The following LLPH variants were observed in gnomAD, a reference collection of about 807,000 sequenced individuals.
LLPH encodes the protein protein LLP homolog.
LLPH carries 5 observed loss-of-function variants against 13.3 expected under a neutral mutation model. That is an observed-to-expected ratio of 0.38 (90% CI 0.20 to 0.79). The LOEUF (loss-of-function observed/expected upper bound fraction) is 0.79. Ranked by LOEUF, LLPH falls within the 30% of genes least tolerant of loss-of-function variation. LLPH has a pLI of 0.45. For missense variants in LLPH, 129 were observed against 152.1 expected (o/e 0.85, Z 0.80); for synonymous variants, 32 against 44.2 (o/e 0.72, Z 1.09).
rs561815772 is a variant in LLPH at position 66,122,669 on chromosome 12, C to T, written c.*1171G>A. On this transcript the variant is annotated 3_prime_UTR_variant, in exon 3 of 3. Coordinates refer to ENST00000266604, the MANE Select transcript of LLPH (RefSeq NM_032338.4). ...CAGAAAACTAGTTTCAAAGAGTAGACGCTAAACAGGTTTCTTTGCTGCTGG... is the reference window on the plus strand; with the variant it reads ...CAGAAAACTAGTTTCAAAGAGTAGATGCTAAACAGGTTTCTTTGCTGCTGG... 6 of 152,290 alleles carry T rather than the reference C, an allele frequency of 3.9e-5. No homozygotes were observed. Among genetic ancestry groups the T allele is most frequent in the South Asian group, 2.1e-4 (1 of 4,820 alleles). The allele number at this position is 152,290 out of a possible 1,614,324, so 9.4% of individuals were successfully genotyped here. A position where few individuals can be genotyped will look rare whatever the true frequency, so the allele number is the denominator to read the frequency against.
At chr12:66,126,127 A>G (rs1054886396) in intron 2 of LLPH, among the ~76,000 whole-genome samples, 25 of 152,006 alleles carry the variant, frequency 1.6e-4, no homozygotes, top group African/African-American at 5.8e-4. Context: ...GATCGAGACC[A>G]TCCTGGCTAA....
At chr12:66,124,997 G>A (rs2051487306) in intron 2 of LLPH, among the ~76,000 whole-genome samples, 1 of 152,196 alleles carries the variant, frequency 6.6e-6, no homozygotes, top group Non-Finnish European at 1.5e-5. Context: ...GTTCAAGGAT[G>A]TTGTGGGCTT....
At position 66,122,655 on chromosome 12, in the gene LLPH, T is replaced by A. The variant is rs548501159; in HGVS notation, c.*1185A>T. On this transcript the variant is annotated 3_prime_UTR_variant, in exon 3 of 3. Coordinates refer to ENST00000266604, the MANE Select transcript of LLPH (RefSeq NM_032338.4). Reference sequence around the variant, plus strand: ...TAAAAATCATTTCTCAGAAAACTAGTTTCAAAGAGTAGACGCTAAACAGGT... The same window carrying A: ...TAAAAATCATTTCTCAGAAAACTAGATTCAAAGAGTAGACGCTAAACAGGT... The A allele has an allele frequency of 1.3e-4, 20 of 152,302 alleles. No homozygotes were observed. The East Asian group carries it at 3.8e-3, about 29-fold the overall frequency. The allele number at this position is 152,302 out of a possible 1,614,324, so 9.4% of individuals were successfully genotyped here.
rs372619976 is a variant in LLPH, at chr12:66,129,050, T to C, written c.57A>G (p.Lys19=). 1.9e-6 allele frequency: 3 copies of C among 1,612,840 alleles called. No individual in the cohort carries two copies. The African/African-American group carries it at 4.0e-5, about 22-fold the overall frequency. ...TGCTGGCCTCCTTTGGGGCATTCTT[T>C]TTTCTCTTTTCAGCACGCATCTTTC... ...WKRKMRAEKR[K]KNAPKEASRL... is the part of the protein sequence containing the mutation. Residue 19 remains lysine (K), a synonymous_variant, in exon 2 of 3, where the codon AAA becomes AAG. Coordinates refer to ENST00000266604, the MANE Select transcript of LLPH (RefSeq NM_032338.4).
chr12:66,124,193 G>GTTT (rs1235260736), intron 2 of LLPH, among the ~76,000 whole-genome samples, 175 bp from the exon 3 acceptor site: 1 of 152,168 alleles, frequency 6.6e-6, no homozygotes, highest in Non-Finnish European at 1.5e-5. Context: ...GAATAGTAAT[G>GTTT]TTAAATAGGA....
chr12:66,127,765 G>A (rs953940793), intron 2 of LLPH, among the ~76,000 whole-genome samples: 1 of 152,202 alleles, frequency 6.6e-6, no homozygotes, highest in Non-Finnish European at 1.5e-5. Context: ...AAAGTTTCAA[G>A]GACAGCTGAA....
In LLPH at chr12:66,127,268, A is replaced by G. The variant is rs183994168; in HGVS notation, c.211+1628T>C. On this transcript the variant is annotated intron_variant, in intron 2 of 2. Coordinates refer to ENST00000266604, the MANE Select transcript of LLPH (RefSeq NM_032338.4). ...ACACCCATAAGGGGAAAGAAATCCAAATGCCCAGCAACCGTTGAATGGATA... is the reference window on the plus strand; with the variant it reads ...ACACCCATAAGGGGAAAGAAATCCAGATGCCCAGCAACCGTTGAATGGATA... Among the ~76,000 whole-genome samples the G allele has an allele frequency of 2.0e-5, 3 of 152,334 alleles. No homozygotes were observed. The East Asian group carries it at 5.8e-4, about 29-fold the overall frequency.
rs945140629 is a variant in LLPH at position 66,119,428 on chromosome 12, G to A, written c.*4412C>T. The A allele has an allele frequency of 6.6e-6, 1 of 152,138 alleles. No individual in the cohort carries two copies. Among genetic ancestry groups the A allele is most frequent in the Admixed American group, 6.6e-5 (1 of 15,260 alleles). The allele number at this position is 152,138 out of a possible 1,614,324, so 9.4% of individuals were successfully genotyped here. On this transcript the variant is annotated 3_prime_UTR_variant, in exon 3 of 3. Coordinates refer to ENST00000266604, the MANE Select transcript of LLPH (RefSeq NM_032338.4). ...GCCCAAAAGTGGCCCTGGGCCTCCT[G>A]GCTACCTGACAGTCCTCTGGAAACA...
intron 1 of LLPH, chr12:66,130,341 T>A (rs544414533): frequency 6.6e-6 from 1 of 152,246 alleles, no homozygotes; most frequent in Non-Finnish European, 1.5e-5. Context: ...ACTTTTTGCA[T>A]ACTTGTTGAA....
rs73123487 is a variant in LLPH at position 66,119,848 on chromosome 12, A to C, written c.*3992T>G. On this transcript the variant is annotated 3_prime_UTR_variant, in exon 3 of 3. Coordinates refer to ENST00000266604, the MANE Select transcript of LLPH (RefSeq NM_032338.4). ...CATTTATAGCTATTTTTCTTCTCCA[A>C]CTCTTAAGCCATATTCCAGAAACAC... is the stretch of plus-strand genomic sequence containing the variant. 6.6e-6 allele frequency: 1 copy of C among 152,084 alleles called. No individual in the cohort carries two copies. The highest frequency in any genetic ancestry group is 1.5e-5 in the Non-Finnish European group (1 of 68,042). The allele number at this position is 152,084 out of a possible 1,614,324, so 9.4% of individuals were successfully genotyped here.
rs2051440530 is a variant in LLPH at position 66,118,184 on chromosome 12, A to C, written c.*5656T>G. The C allele has an allele frequency of 6.6e-6, 1 of 152,096 alleles. No individual in the cohort carries two copies. 9.4% of individuals were successfully genotyped at this position (152,096 alleles called of 1,614,324 possible). ...TTCAAGGCCAGCCTGACCAACATGG[A>C]GAAACCTCATCTCTACCAAAAATAC... On this transcript the variant is annotated 3_prime_UTR_variant, in exon 3 of 3. Coordinates refer to ENST00000266604, the MANE Select transcript of LLPH (RefSeq NM_032338.4).
At position 66,119,147 on chromosome 12, in the gene LLPH, AC is replaced by A. The variant is rs2051447718; in HGVS notation, c.*4692del. On this transcript the variant is annotated 3_prime_UTR_variant, in exon 3 of 3. Transcript: ENST00000266604. Reference sequence around the variant, plus strand: ...GCATGACTTTGGGTAAATTTAGTTAACCTTTCAAACTGTTTTCTCATCTGAA... The same window carrying A: ...GCATGACTTTGGGTAAATTTAGTTAACTTTCAAACTGTTTTCTCATCTGAA... 6.6e-6 allele frequency: 1 copy of A among 152,194 alleles called. No individual in the cohort carries two copies. Among genetic ancestry groups the A allele is most frequent in the Non-Finnish European group, 1.5e-5 (1 of 68,036 alleles). The allele number at this position is 152,194 out of a possible 1,614,324, so 9.4% of individuals were successfully genotyped here. A position where few individuals can be genotyped will look rare whatever the true frequency, so the allele number is the denominator to read the frequency against.
chr12:66,126,963 C>G (rs1273078596), intron 2 of LLPH, among the ~76,000 whole-genome samples: 5 of 151,358 alleles, frequency 3.3e-5, no homozygotes, highest in Non-Finnish European at 1.5e-5. Context: ...AAACAAAAAC[C>G]AAAAAACACT....
rs934304358 is a variant in LLPH at position 66,122,850 on chromosome 12, A to G, written c.*990T>C. 6.6e-6 allele frequency: 1 copy of G among 152,200 alleles called. No individual in the cohort carries two copies. Among genetic ancestry groups the G allele is most frequent in the Non-Finnish European group, 1.5e-5 (1 of 68,028 alleles). 9.4% of individuals were successfully genotyped at this position (152,200 alleles called of 1,614,324 possible). On this transcript the variant is annotated 3_prime_UTR_variant, in exon 3 of 3. Coordinates refer to ENST00000266604, the MANE Select transcript of LLPH (RefSeq NM_032338.4). ...AACACACTCCGGGGAATGCTGCATG[A>G]TACTATATTAGGCCACACAATATTA...
chr12:66,128,941 T>C lies in LLPH; in HGVS notation c.166A>G (p.Lys56Glu). 2 of 1,613,734 alleles carry C rather than the reference T, an allele frequency of 1.2e-6. No individual in the cohort carries two copies. The highest frequency in any genetic ancestry group is 1.3e-5 in the African/African-American group (1 of 75,030). The change falls in exon 2 of 3, where the codon AAA (lysine) becomes GAA (glutamate). Residue 56 changes from lysine to glutamate, a missense_variant. Lys to Glu is a moderately conservative substitution (Grantham distance 56, BLOSUM62 1). Transcript: ENST00000266604. Reference protein sequence around the residue: ...EIATVVVPKPKHCQEKMQCEV... With the variant: ...EIATVVVPKPEHCQEKMQCEV... ...CATTGCATTTTCTCTTGGCAATGTT[T>C]GGGTTTGGGTACCACCACAGTTGCT... is the stretch of plus-strand genomic sequence containing the variant.
rs778913036 is a variant in LLPH at position 66,123,763 on chromosome 12, T to C, written c.*77A>G. On this transcript the variant is annotated 3_prime_UTR_variant, in exon 3 of 3. Coordinates refer to ENST00000266604, the MANE Select transcript of LLPH (RefSeq NM_032338.4). ...ACAAATGGTTTTCATTTGGTGGCAG[T>C]TGAAATCAAAGTATACATGTGTATA... The C allele has an allele frequency of 2.1e-5, 31 of 1,448,450 alleles. No individual in the cohort carries two copies. In the Admixed American group the frequency reaches 2.8e-4, roughly 13 times the overall value. 89.7% of individuals were successfully genotyped at this position (1,448,450 alleles called of 1,614,324 possible). A position where few individuals can be genotyped will look rare whatever the true frequency, so the allele number is the denominator to read the frequency against.
In LLPH at chr12:66,119,690, C is replaced by G. The variant is rs1356174779; in HGVS notation, c.*4150G>C. 6.6e-6 allele frequency: 1 copy of G among 152,214 alleles called. No homozygotes were observed. The highest frequency in any genetic ancestry group is 2.4e-5 in the African/African-American group (1 of 41,458). 9.4% of individuals were successfully genotyped at this position (152,214 alleles called of 1,614,324 possible). On this transcript the variant is annotated 3_prime_UTR_variant, in exon 3 of 3. Transcript: ENST00000266604. ...AGCCAACAGCTTAGCATCTGCATTTCTATTGTAGTATTTATAAATTTGGCA... is the reference window on the plus strand; with the variant it reads ...AGCCAACAGCTTAGCATCTGCATTTGTATTGTAGTATTTATAAATTTGGCA...
rs531380877 is a variant in LLPH, at chr12:66,116,740, C to T, written c.*7100G>A. The T allele has an allele frequency of 6.6e-6, 1 of 152,282 alleles. No individual in the cohort carries two copies. The highest frequency in any genetic ancestry group is 1.9e-4 in the East Asian group (1 of 5,192). 9.4% of individuals were successfully genotyped at this position (152,282 alleles called of 1,614,324 possible). A position where few individuals can be genotyped will look rare whatever the true frequency, so the allele number is the denominator to read the frequency against. ...AGCATAATGCCAAGACAATTCATCGCTTTAGGATATTAAATACATTCCGCA... is the reference window on the plus strand; with the variant it reads ...AGCATAATGCCAAGACAATTCATCGTTTTAGGATATTAAATACATTCCGCA... On this transcript the variant is annotated 3_prime_UTR_variant, in exon 3 of 3. Coordinates refer to ENST00000266604, the MANE Select transcript of LLPH (RefSeq NM_032338.4).
rs2051454707 is a variant in LLPH, at chr12:66,120,247, A to C, written c.*3593T>G. ...GCTCTTTATCTGATCCTGAGCCCAC[A>C]TGAACCCAATCTATCACAGGTTGAC... On this transcript the variant is annotated 3_prime_UTR_variant, in exon 3 of 3. Transcript: ENST00000266604. The C allele has an allele frequency of 6.6e-6, 1 of 152,224 alleles. No individual in the cohort carries two copies. The highest frequency in any genetic ancestry group is 6.5e-5 in the Admixed American group (1 of 15,282). 9.4% of individuals were successfully genotyped at this position (152,224 alleles called of 1,614,324 possible).
Sources: allele counts gnomAD v4.1 joint callset (sites outside exome capture counted in the v4.1 genomes callset), GRCh38; gene constraint gnomAD v4.1.1; transcripts MANE v1.5; gene names NCBI Gene and HGNC (gene_info 2026-07-23, HGNC 2026-07-21).